Variants in TAF5L observed in about 807,000 individuals in gnomAD.
The protein encoded by TAF5L is TAF5-like RNA polymerase II p300/CBP-associated factor-associated factor 65 kDa subunit 5L.
A neutral mutation model predicts 51.3 loss-of-function variants in TAF5L; 7 were observed. That is an observed-to-expected ratio of 0.14 (90% CI 0.08 to 0.26). The LOEUF is 0.26. Ranked by LOEUF, TAF5L falls within the 10% of genes least tolerant of loss-of-function variation. The pLI, the probability that TAF5L is intolerant of heterozygous loss-of-function variation, is 1.00. For synonymous variants in TAF5L, 291 were observed against 308.1 expected (o/e 0.94, Z 0.58); for missense variants, 575 against 758.9 (o/e 0.76, Z 2.85).
Position 229,594,606 on chromosome 1 carries a change from G to A in TAF5L, c.1461C>T (p.Gly487=), listed in dbSNP as rs191870723. 9.3e-6 allele frequency: 15 copies of A among 1,614,142 alleles called. No individual in the cohort carries two copies. The highest frequency in any genetic ancestry group is 2.2e-5 in the East Asian group (1 of 44,872). ...CCCACAGCTTCAACCGCTGGTCCTC[G>A]CCAGCAGACGCCAAGTACTTACCGT... The change falls in exon 5 of 5, where the codon GGC becomes GGT. Residue 487 remains glycine, a synonymous_variant. Coordinates refer to ENST00000258281, the Ensembl canonical transcript of TAF5L. The surrounding 1 kb of genome is among the most constrained non-coding windows in gnomAD (Gnocchi z 7.9).
chr1:229,599,730 G>A (rs1474647717), intron 4 of TAF5L: 2 of 810,792 alleles, frequency 2.5e-6, no homozygotes, highest in Middle Eastern at 6.1e-4. Context: ...TGTGAATAAT[G>A]CTTCCATAAA....
chr1:229,610,240 C>A, intron 2 of TAF5L, 30 bp from the exon 3 acceptor site: 2 of 1,604,828 alleles, frequency 1.2e-6, no homozygotes, highest in Non-Finnish European at 1.7e-6. Flanking sequence ...CAAGTCAGGG[C>A]GGGAAACAGA....
intron 1 of TAF5L, among the ~76,000 whole-genome samples, chr1:229,615,209 TC>T (rs1664936346): frequency 6.6e-6 from 1 of 152,122 alleles, no homozygotes; most frequent in Non-Finnish European, 1.5e-5. Context: ...TGTCTCAGCC[TC>T]CCAAGTAGCT....
chr1:229,600,162 A>G (rs1223733063), intron 4 of TAF5L: 4 of 985,346 alleles, frequency 4.1e-6, no homozygotes, highest in African/African-American at 1.7e-5. Flanking sequence ...AACACCAACT[A>G]TCGTAACTAA....
intron 1 of TAF5L, among the ~76,000 whole-genome samples, chr1:229,614,820 A>G (rs1406290419): frequency 6.6e-6 from 1 of 152,236 alleles, no homozygotes; most frequent in Non-Finnish European, 1.5e-5. Context: ...AACAAAGAGC[A>G]AACAGGGCCA....
chr1:229,599,231 G>A lies in TAF5L; in HGVS notation c.972+2964C>T, dbSNP rs1016094787. The A allele has an allele frequency of 6.5e-6, 6 of 928,528 alleles. No individual in the cohort carries two copies. In the East Asian group the frequency reaches 7.1e-4, roughly 109 times the overall value. The allele number at this position is 928,528 out of a possible 1,614,324, so 57.5% of individuals were successfully genotyped here. On this transcript the variant is annotated intron_variant, in intron 4 of 4. Coordinates refer to ENST00000258281, the Ensembl canonical transcript of TAF5L. The stretch of plus-strand genomic sequence containing the variant: ...AGTTTTATTTGGCATAATTAACAGA[G>A]AAAATTTTAAGCTTACATAGAAGAT...
Position 229,602,361 on chromosome 1 carries a change from T to A in TAF5L, c.806A>T (p.Gln269Leu). 1 of 1,614,164 alleles carries A rather than the reference T, an allele frequency of 6.2e-7. No homozygotes were observed. Among genetic ancestry groups the A allele is most frequent in the East Asian group, 2.2e-5 (1 of 44,888 alleles). The change falls in exon 4 of 5, where the codon CAG becomes CTG. Residue 269 changes from glutamine (Q) to leucine (L), a missense_variant. Coordinates refer to ENST00000258281, the Ensembl canonical transcript of TAF5L. This position sits in a 1 kb window ranked among gnomAD's most constrained non-coding sequence, Gnocchi z 4.6. ...GGAGATTTCTGCAGTGTTCAACAGC[T>A]GCTCTGTGTTATAGAAGGCATAGAA...
chr1:229,613,428 C>T (rs543047971), intron 2 of TAF5L, among the ~76,000 whole-genome samples: 2 of 151,498 alleles, frequency 1.3e-5, no homozygotes, highest in African/African-American at 4.9e-5. Flanking sequence ...CTAACAATTA[C>T]AGTCGGCCCT....
In TAF5L at chr1:229,602,010, G is replaced by A; in HGVS notation, c.972+185C>T. 5.6e-6 allele frequency: 8 copies of A among 1,425,228 alleles called. No individual in the cohort carries two copies. Among genetic ancestry groups the A allele is most frequent in the Non-Finnish European group, 5.5e-6 (6 of 1,091,426 alleles). 88.3% of individuals were successfully genotyped at this position (1,425,228 alleles called of 1,614,324 possible). On this transcript the variant is annotated intron_variant, in intron 4 of 4. Coordinates refer to ENST00000258281, the Ensembl canonical transcript of TAF5L. This position sits in a 1 kb window ranked among gnomAD's most constrained non-coding sequence, Gnocchi z 4.6. Reference sequence around the variant, plus strand: ...TAAGAAGTTAATGCTGCTAAAAATTGTTTTTGCATCTTAGGTTAGGCATGT... The same window carrying A: ...TAAGAAGTTAATGCTGCTAAAAATTATTTTTGCATCTTAGGTTAGGCATGT...
chr1:229,601,238 AC>A, intron 4 of TAF5L: 2 of 985,420 alleles, frequency 2.0e-6, no homozygotes, highest in Non-Finnish European at 2.4e-6. Context: ...AATTTAGGGC[AC>A]CCAATATTCT....
chr1:229,616,343 A>C (rs901125793), intron 1 of TAF5L, among the ~76,000 whole-genome samples: 3 of 149,078 alleles, frequency 2.0e-5, no homozygotes, highest in South Asian at 4.3e-4. Flanking sequence ...GTAAAATTCC[A>C]CCTTTTCCGG....
Position 229,625,026 on chromosome 1 carries a change from A to C in TAF5L, c.-4+859T>G, listed in dbSNP as rs1665382875. Among the ~76,000 whole-genome samples the C allele has an allele frequency of 6.6e-6, 1 of 152,192 alleles. No homozygotes were observed. Among genetic ancestry groups the C allele is most frequent in the African/African-American group, 2.4e-5 (1 of 41,444 alleles). ...AAGGTCAGTTTAGGTACAGTAATTT[A>C]AGACAGACACTGCATGGGACTGGCA... is the stretch of plus-strand genomic sequence containing the variant. On this transcript the variant is annotated intron_variant, in intron 1 of 4. Coordinates refer to ENST00000258281, the Ensembl canonical transcript of TAF5L. The surrounding 1 kb of genome is among the most constrained non-coding windows in gnomAD (Gnocchi z 4.0).
chr1:229,599,905 A>G, intron 4 of TAF5L: 1 of 985,478 alleles, frequency 1.0e-6, no homozygotes, highest in Non-Finnish European at 1.2e-6. Flanking sequence ...AGAGAGTGCA[A>G]GCTGGCTTTT....
Position 229,594,977 on chromosome 1 carries a change from T to C in TAF5L, c.1090A>G (p.Met364Val), listed in dbSNP as rs765877929. 9.3e-6 allele frequency: 15 copies of C among 1,614,082 alleles called. No homozygotes were observed. Among genetic ancestry groups the C allele is most frequent in the South Asian group, 2.2e-5 (2 of 91,084 alleles). The change falls in exon 5 of 5, where the codon ATG (methionine) becomes GTG (valine). Residue 364 changes from methionine to valine, a missense_variant. Around this residue, in one of 3 missense-constraint regions of TAF5L, gnomAD observed 104 missense variants for 218.3 expected, o/e 0.48. Transcript: ENST00000258281. The surrounding 1 kb of genome is among the most constrained non-coding windows in gnomAD (Gnocchi z 7.9). ...CCCAGATCCCAGTATCTGATGGACA[T>C]GTCTTCAGAACAAGAGAGCAACCCT...
chr1:229,610,931 G>T (rs1190000584), intron 2 of TAF5L, among the ~76,000 whole-genome samples: 2 of 151,960 alleles, frequency 1.3e-5, no homozygotes. Context: ...TTAAAACAAG[G>T]TATTTTTGAA....
intron 4 of TAF5L, chr1:229,601,878 A>G (rs1664388636): frequency 4.5e-6 from 5 of 1,122,596 alleles, no homozygotes; most frequent in African/African-American, 1.6e-5. Flanking sequence ...ACATAAGTGT[A>G]TATTTACTGC....
intron 3 of TAF5L, among the ~76,000 whole-genome samples, chr1:229,608,553 A>G (rs552468350): frequency 6.6e-6 from 1 of 152,224 alleles, no homozygotes; most frequent in African/African-American, 2.4e-5. Flanking sequence ...GATATTTTTT[A>G]TCATTGGCAT....
intron 3 of TAF5L, among the ~76,000 whole-genome samples, chr1:229,609,761 A>C (rs576947447): frequency 1.1e-4 from 17 of 152,206 alleles, no homozygotes; most frequent in Non-Finnish European, 2.5e-4. Context: ...TACTTATTCA[A>C]TACAAGTCAC....
chr1:229,602,393 G>A lies in TAF5L; in HGVS notation c.774C>T (p.Thr258=), dbSNP rs1279776751. The change falls in exon 4 of 5, where the codon ACC becomes ACT. Residue 258 remains threonine, a synonymous_variant. Coordinates refer to ENST00000258281, the Ensembl canonical transcript of TAF5L. This position sits in a 1 kb window ranked among gnomAD's most constrained non-coding sequence, Gnocchi z 4.6. ...TGTTATAGAAGGCATAGAAGCAGAT[G>A]GTAGTGAGGGAGGGAGGCCCATCCT... 6.2e-7 allele frequency: 1 copy of A among 1,614,000 alleles called. No homozygotes were observed. Among genetic ancestry groups the A allele is most frequent in the Non-Finnish European group, 8.5e-7 (1 of 1,180,022 alleles).
Sources: gnomAD v4.1 joint callset for allele counts (sites outside exome capture counted in the v4.1 genomes callset) on GRCh38, gnomAD v4.1.1 for gene constraint, gnomAD v4.1.1 regional missense constraint, Gnocchi (gnomAD v3.1) non-coding constraint, MANE v1.5 for transcripts, NCBI Gene and HGNC (gene_info 2026-07-23, HGNC 2026-07-21) for gene names.